The following PHF20L1 variants were observed in gnomAD, a reference collection of about 807,000 sequenced individuals.
PHF20L1 encodes the protein PHD finger protein 20 like 1.
A neutral mutation model predicts 125.5 loss-of-function variants in PHF20L1; 44 were observed. The ratio of observed to expected loss-of-function variants is 0.35; its 90% confidence interval spans 0.28 to 0.45. PHF20L1 has a LOEUF of 0.45. PHF20L1 is among the 20% of genes least tolerant of loss of function. The pLI is 1.00. For missense variants in PHF20L1, 1,012 were observed against 1,217.2 expected, an observed-to-expected ratio of 0.83 and a Z score of 2.51; for synonymous variants, 380 against 403.1, an observed-to-expected ratio of 0.94 and a Z score of 0.69.
At chr8:132,807,967 C>A (rs560000487) in intron 8 of PHF20L1, 4 of 227,276 alleles carry the variant, frequency 1.8e-5, no homozygotes, top group Admixed American at 1.7e-4. Flanking sequence ...TCAGTTAATT[C>A]TTCTCATTTT....
At chr8:132,823,915 G>A (rs1249252068) in intron 12 of PHF20L1, 89 bp from the exon 13 acceptor site, 5 of 713,952 alleles carry the variant, frequency 7.0e-6, no homozygotes, top group African/African-American at 5.6e-5. Flanking sequence ...GTCTTACATA[G>A]AGTTTTATGA....
chr8:132,837,997 A>T (rs943291456), intron 17 of PHF20L1, 186 bp downstream of exon 17: 16 of 540,710 alleles, frequency 3.0e-5, no homozygotes, highest in Middle Eastern at 5.2e-4. Flanking sequence ...ACTTGTATGT[A>T]TCAATTAGCT....
At chr8:132,815,503 G>A (rs1024514938) in intron 10 of PHF20L1, 3 of 151,718 alleles carry the variant, frequency 2.0e-5, no homozygotes, top group Admixed American at 2.0e-4. Flanking sequence ...GATTTGTGTT[G>A]ACCCTGAGTT....
chr8:132,817,670 CTTTAACA>C (rs1835128204), intron 12 of PHF20L1, 125 bp downstream of exon 12: 6 of 652,330 alleles, frequency 9.2e-6, no homozygotes, highest in African/African-American at 1.8e-5. Context: ...TTCATAAATA[CTTTAACA>C]TTTATAGGAG....
intron 2 of PHF20L1, among the ~76,000 whole-genome samples, chr8:132,789,263 G>A (rs1006464457): frequency 6.6e-6 from 1 of 152,070 alleles, no homozygotes; most frequent in Non-Finnish European, 1.5e-5. Flanking sequence ...GCCACTCTCT[G>A]AAGAGTCTTG....
chr8:132,807,386 C>G (rs191649766), intron 8 of PHF20L1: 59 of 163,280 alleles, frequency 3.6e-4, no homozygotes, highest in African/African-American at 1.1e-3. Context: ...CTTTAAACTA[C>G]AGAATGTCAA....
intron 14 of PHF20L1, chr8:132,826,805 C>T (rs1304584985): frequency 1.3e-5 from 2 of 151,850 alleles, no homozygotes; most frequent in Non-Finnish European, 1.5e-5. Context: ...ATGATCAGTA[C>T]CTAAGTGTTT....
Position 132,836,643 on chromosome 8 carries a change from T to C in PHF20L1, c.2013T>C (p.Ser671=). 6.2e-7 allele frequency: 1 copy of C among 1,613,080 alleles called. No homozygotes were observed. The highest frequency in any genetic ancestry group is 8.5e-7 in the Non-Finnish European group (1 of 1,179,268). ...QDFDSTNFEE[S]QDEDDALNEI... is the part of the protein sequence containing the mutation. The stretch of plus-strand genomic sequence containing the variant: ...TTGATTCAACCAATTTTGAGGAATC[T>C]CAGGATGAGGATGATGCTCTTAATG... Residue 671 remains serine, a synonymous_variant, in exon 16 of 21, where the codon TCT becomes TCC. Coordinates refer to ENST00000395386, the MANE Select transcript of PHF20L1 (RefSeq NM_016018.5).
chr8:132,788,232 T>C (rs1281769279), intron 2 of PHF20L1, among the ~76,000 whole-genome samples: 3 of 152,150 alleles, frequency 2.0e-5, no homozygotes, highest in African/African-American at 7.2e-5. Flanking sequence ...CTTACTTGAT[T>C]CTTTTTCTTT....
In PHF20L1 at chr8:132,842,575, T is replaced by A. The variant is rs543543603; in HGVS notation, c.2448T>A (p.Asp816Glu). ...WACSGKRKDQDQIIAGVEKKI... is the reference protein window; with the variant it reads ...WACSGKRKDQEQIIAGVEKKI... ...GTTCCGGGAAGCGAAAAGACCAAGATCAAATAATAGCTGGGGTGGAGAAAA... is the reference window on the plus strand; with the variant it reads ...GTTCCGGGAAGCGAAAAGACCAAGAACAAATAATAGCTGGGGTGGAGAAAA... Residue 816 changes from aspartate (D) to glutamate (E), a missense_variant, in exon 19 of 21, where the codon GAT becomes GAA. Coordinates refer to ENST00000395386, the MANE Select transcript of PHF20L1 (RefSeq NM_016018.5). 5 of 1,612,414 alleles carry A rather than the reference T, an allele frequency of 3.1e-6. No homozygotes were observed. The East Asian group carries it at 6.7e-5, about 22-fold the overall frequency.
At chr8:132,843,341 T>A (rs1838120414) in intron 19 of PHF20L1, 2 of 980,118 alleles carry the variant, frequency 2.0e-6, no homozygotes, top group Non-Finnish European at 2.4e-6. Flanking sequence ...CAGATCTATG[T>A]GCATTGGACA....
intron 2 of PHF20L1, among the ~76,000 whole-genome samples, chr8:132,784,881 G>A (rs966674747): frequency 9.9e-5 from 15 of 152,152 alleles, no homozygotes; most frequent in African/African-American, 3.6e-4. Flanking sequence ...AGTCTGGCAA[G>A]CCTATGCCAC....
chr8:132,843,918 C>T (rs984476155), intron 19 of PHF20L1: 4 of 985,054 alleles, frequency 4.1e-6, no homozygotes, highest in Admixed American at 6.2e-5. Context: ...TTTATTGAAG[C>T]CTTCTTGCCT....
chr8:132,798,479 G>C (rs1832677902), intron 4 of PHF20L1, among the ~76,000 whole-genome samples: 1 of 151,916 alleles, frequency 6.6e-6, no homozygotes, highest in African/African-American at 2.4e-5. Context: ...GCTATGTTGA[G>C]TCTAAACATT....
At chr8:132,817,293 C>G (rs780945733) in intron 11 of PHF20L1, 46 bp from the exon 12 acceptor site, 3 of 1,477,280 alleles carry the variant, frequency 2.0e-6, no homozygotes, top group South Asian at 1.2e-5. Flanking sequence ...GTAACTGAGC[C>G]ATTTTATCTG....
intron 1 of PHF20L1, among the ~76,000 whole-genome samples, chr8:132,776,990 A>G (rs1453684634): frequency 6.6e-6 from 1 of 152,198 alleles, no homozygotes; most frequent in Non-Finnish European, 1.5e-5. Flanking sequence ...TTGCATGTGA[A>G]TGACCTAGGG....
At chr8:132,811,605 A>C in intron 9 of PHF20L1, 1 of 982,350 alleles carries the variant, frequency 1.0e-6, no homozygotes, top group Non-Finnish European at 1.2e-6. Flanking sequence ...TTTAATAACT[A>C]CAAAAAAAGA....
intron 12 of PHF20L1, among the ~76,000 whole-genome samples, chr8:132,821,006 T>G (rs1563829660): frequency 6.6e-6 from 1 of 151,918 alleles, no homozygotes; most frequent in Non-Finnish European, 1.5e-5. Flanking sequence ...TTTTCCTGTT[T>G]TATTGCAGCA....
At chr8:132,817,169 G>A in intron 11 of PHF20L1, 93 bp downstream of exon 11, 2 of 935,018 alleles carry the variant, frequency 2.1e-6, no homozygotes, top group Admixed American at 3.0e-5. Context: ...AGATATTTCT[G>A]CTCTTATATC....
Sources: gnomAD v4.1 joint callset for allele counts (sites outside exome capture counted in the v4.1 genomes callset) on GRCh38, gnomAD v4.1.1 for gene constraint, MANE v1.5 for transcripts, NCBI Gene and HGNC (gene_info 2026-07-23, HGNC 2026-07-21) for gene names.